LCA5: variants seen among roughly 807,000 people sequenced by gnomAD.
LCA5 encodes lebercilin LCA5.
A neutral mutation model predicts 53.0 loss-of-function variants in LCA5; 37 were observed. The observed-to-expected ratio is 0.70, with a 90% CI of 0.54 to 0.92. The LOEUF (loss-of-function observed/expected upper bound fraction) is 0.92. Among genes scored for constraint, LCA5 ranks in the 40% least tolerant of loss-of-function variants. The pLI, the probability that LCA5 is intolerant of heterozygous loss-of-function variation, is 0.00. For synonymous variants in LCA5, 303 were observed against 282.9 expected (o/e 1.07, Z -0.71); for missense variants, 806 against 790.5 (o/e 1.02, Z -0.23).
At chr6:79,497,097 A>G (rs1196399230) in intron 3 of LCA5, among the ~76,000 whole-genome samples, 1 of 152,208 alleles carries the variant, frequency 6.6e-6, no homozygotes, top group African/African-American at 2.4e-5. Context: ...GCAAACTGAA[A>G]AACAAAACAA....
intron 2 of LCA5, 87 bp from the exon 3 acceptor site, chr6:79,513,828 A>G: frequency 2.5e-6 from 3 of 1,212,702 alleles, no homozygotes; most frequent in South Asian, 1.3e-5. Flanking sequence ...GGTCCGTAAC[A>G]TTCTTTAGTT....
chr6:79,491,554 C>T (rs371009040), intron 6 of LCA5, 34 bp downstream of exon 6: 28 of 1,609,308 alleles, frequency 1.7e-5, no homozygotes, highest in African/African-American at 2.7e-5. Context: ...AACTTCAGAC[C>T]GAGTTTGGTA....
intron 3 of LCA5, among the ~76,000 whole-genome samples, chr6:79,510,894 A>G (rs1770393570): frequency 6.6e-6 from 1 of 152,170 alleles, no homozygotes; most frequent in African/African-American, 2.4e-5. Context: ...CAAGATGGCT[A>G]AAACTTTAAA....
At chr6:79,526,418 C>T (rs1001312144) in intron 1 of LCA5, among the ~76,000 whole-genome samples, 3 of 152,040 alleles carry the variant, frequency 2.0e-5, no homozygotes, top group Non-Finnish European at 4.4e-5. Context: ...GTGGCGGGCG[C>T]GTGTAGTCCC....
In LCA5 at chr6:79,485,964, G is replaced by A. The variant is rs1769641612; in HGVS notation, c.*1040C>T. On this transcript the variant is annotated 3_prime_UTR_variant, in exon 8 of 8. Coordinates refer to ENST00000369846, the MANE Select transcript of LCA5 (RefSeq NM_001122769.3). ...TTTAAACAGAAAACTATCCACTCTA[G>A]TCAACAAGGCAGAAGTCCTATGTCT... 1.3e-5 allele frequency: 2 copies of A among 152,140 alleles called. No homozygotes were observed. The highest frequency in any genetic ancestry group is 4.8e-5 in the African/African-American group (2 of 41,448). The allele number at this position is 152,140 out of a possible 1,614,324, so 9.4% of individuals were successfully genotyped here.
Position 79,513,754 on chromosome 6 carries a change from C to T in LCA5, c.191-13G>A. 1 of 1,612,476 alleles carries T rather than the reference C, an allele frequency of 6.2e-7. No homozygotes were observed. The highest frequency in any genetic ancestry group is 8.5e-7 in the Non-Finnish European group (1 of 1,178,968). On this transcript the variant is annotated splice_polypyrimidine_tract_variant and intron_variant, in intron 2 of 7. Coordinates refer to ENST00000369846, the MANE Select transcript of LCA5 (RefSeq NM_001122769.3). The stretch of plus-strand genomic sequence containing the variant: ...GGTTTCCGAGGGGCTAAAAAAGAAA[C>T]AGGAATAATGTAAAGTGAAAGCTGT...
intron 4 of LCA5, 75 bp downstream of exon 4, chr6:79,493,538 A>G (rs1769897780): frequency 7.6e-7 from 1 of 1,318,954 alleles, no homozygotes. Flanking sequence ...TATGAATAGT[A>G]ACATTTAGTG....
At chr6:79,522,058 T>C (rs2127684784) in intron 1 of LCA5, among the ~76,000 whole-genome samples, 1 of 152,240 alleles carries the variant, frequency 6.6e-6, no homozygotes, top group South Asian at 2.1e-4. Context: ...TATTCACCTT[T>C]GGAAGATTCT....
At chr6:79,532,423 G>A (rs2127690824) in intron 1 of LCA5, among the ~76,000 whole-genome samples, 1 of 152,164 alleles carries the variant, frequency 6.6e-6, no homozygotes, top group South Asian at 2.1e-4. Context: ...TACTTCAATG[G>A]TCTCCTATGG....
At chr6:79,531,381 G>A (rs988329475) in intron 1 of LCA5, among the ~76,000 whole-genome samples, 2 of 152,148 alleles carry the variant, frequency 1.3e-5, no homozygotes, top group Admixed American at 1.3e-4. Context: ...TCCTATCAAT[G>A]AAGAGGTGCT....
intron 3 of LCA5, among the ~76,000 whole-genome samples, chr6:79,499,900 T>A (rs968924861): frequency 6.8e-6 from 1 of 146,512 alleles, no homozygotes; most frequent in African/African-American, 2.5e-5. Flanking sequence ...CCTGTGTCCA[T>A]GTGTTCTCAT....
intron 1 of LCA5, among the ~76,000 whole-genome samples, chr6:79,527,107 C>T (rs1032702163): frequency 6.6e-6 from 1 of 152,100 alleles, no homozygotes. Context: ...TCCACCCAAG[C>T]TGGGAAGGAC....
rs565279094 is a variant in LCA5 at position 79,485,438 on chromosome 6, T to C, written c.*1566A>G. The C allele has an allele frequency of 5.2e-5, 8 of 152,740 alleles. No homozygotes were observed. The highest frequency in any genetic ancestry group is 1.9e-4 in the African/African-American group (8 of 41,570). The allele number at this position is 152,740 out of a possible 1,614,324, so 9.5% of individuals were successfully genotyped here. A position where few individuals can be genotyped will look rare whatever the true frequency, so the allele number is the denominator to read the frequency against. On this transcript the variant is annotated 3_prime_UTR_variant, in exon 8 of 8. Transcript: ENST00000369846. ...ATGATTTGCAACATATTATAGTAAATGGTTATACATATCAGACATACAAAT... is the reference window on the plus strand; with the variant it reads ...ATGATTTGCAACATATTATAGTAAACGGTTATACATATCAGACATACAAAT...
intron 7 of LCA5, 69 bp from the exon 8 acceptor site, chr6:79,487,935 A>G (rs1337533803): frequency 8.3e-7 from 1 of 1,206,416 alleles, no homozygotes; most frequent in African/African-American, 1.5e-5. Flanking sequence ...AAAACTATCA[A>G]CTTTCATAAA....
At chr6:79,509,511 T>A (rs1250572943) in intron 3 of LCA5, among the ~76,000 whole-genome samples, 2 of 148,016 alleles carry the variant, frequency 1.4e-5, no homozygotes, top group African/African-American at 2.5e-5. Flanking sequence ...GATTCCAACA[T>A]AATGTCAATT....
At chr6:79,514,435 C>T (rs1004746460) in intron 2 of LCA5, among the ~76,000 whole-genome samples, 5 of 152,092 alleles carry the variant, frequency 3.3e-5, no homozygotes, top group African/African-American at 1.2e-4. Flanking sequence ...TTAGTTCAAC[C>T]ACTGTGAAAG....
chr6:79,524,499 G>C (rs1156552098), intron 1 of LCA5, among the ~76,000 whole-genome samples: 6 of 152,130 alleles, frequency 3.9e-5, no homozygotes, highest in Admixed American at 3.9e-4. Context: ...AGCATTGTTT[G>C]TGAGACATGT....
At chr6:79,491,562 G>T in intron 6 of LCA5, 26 bp downstream of exon 6, 1 of 1,611,160 alleles carries the variant, frequency 6.2e-7, no homozygotes, top group Non-Finnish European at 8.5e-7. Context: ...ACCGAGTTTG[G>T]TACATAACAA....
intron 4 of LCA5, 128 bp downstream of exon 4, chr6:79,493,485 A>G: frequency 1.6e-6 from 1 of 643,384 alleles, no homozygotes; most frequent in Non-Finnish European, 2.4e-6. Context: ...AGTGCTAAAG[A>G]TAATATCAGA....
Sources: allele counts gnomAD v4.1 joint callset (sites outside exome capture counted in the v4.1 genomes callset), GRCh38; gene constraint gnomAD v4.1.1; transcripts MANE v1.5; gene names NCBI Gene and HGNC (gene_info 2026-07-23, HGNC 2026-07-21).